The following TRMU variants were observed in gnomAD, a reference collection of about 807,000 sequenced individuals.
TRMU encodes tRNA mitochondrial 2-thiouridylase.
In TRMU, 49 loss-of-function variants were observed where a neutral mutation model predicts 46.9. That is an observed-to-expected ratio of 1.05 (90% CI 0.83 to 1.33). The LOEUF is 1.33. Ranked by LOEUF, TRMU falls within the 40% of genes most tolerant of loss-of-function variation. The pLI, the probability that TRMU is intolerant of heterozygous loss-of-function variation, is 0.00. For missense variants in TRMU, 572 were observed against 532.4 expected (o/e 1.07, Z -0.73); for synonymous variants, 241 against 200.9 (o/e 1.20, Z -1.69).
Position 46,350,477 on chromosome 22 carries a change from GT to G in TRMU, c.651+16del. 3.7e-6 allele frequency: 6 copies of G among 1,613,032 alleles called. No individual in the cohort carries two copies. Among genetic ancestry groups the G allele is most frequent in the Non-Finnish European group, 5.1e-6 (6 of 1,179,944 alleles). On this transcript the variant is annotated intron_variant, in intron 5 of 10. Coordinates refer to ENST00000645190, the MANE Select transcript of TRMU (RefSeq NM_018006.5). The surrounding 1 kb of genome is among the most constrained non-coding windows in gnomAD (Gnocchi z 4.6). ...CAGAAGAAAGAGGTACGAGTGAGCA[GT>G]TGCCTTTGATTAGTGCCTGTTTCCC...
Position 46,336,219 on chromosome 22 carries a change from CGGGCCGG to C in TRMU, c.82+379_82+385del. On this transcript the variant is annotated intron_variant, in intron 1 of 10. Transcript: ENST00000645190. The surrounding 1 kb of genome is among the most constrained non-coding windows in gnomAD (Gnocchi z 4.1). ...CACTGGTGAGGGGAGCTGGGATCGC[CGGGCCGG>C]GGGCCTGACCTCTGCACACGCTGTG... 9.6e-7 allele frequency: 1 copy of C among 1,036,466 alleles called. No individual in the cohort carries two copies. The highest frequency in any genetic ancestry group is 2.4e-5 in the South Asian group (1 of 40,874). The allele number at this position is 1,036,466 out of a possible 1,614,324, so 64.2% of individuals were successfully genotyped here. A position where few individuals can be genotyped will look rare whatever the true frequency, so the allele number is the denominator to read the frequency against.
chr22:46,355,676 G>T (rs1286342286), intron 9 of TRMU, 88 bp downstream of exon 9: 3 of 1,595,924 alleles, frequency 1.9e-6, no homozygotes, highest in African/African-American at 1.3e-5. Context: ...AGACCCTGGG[G>T]TAGGAAAGTC....
rs560816439 is a variant in TRMU, at chr22:46,350,911, C to T, written c.651+448C>T. Among the ~76,000 whole-genome samples the T allele has an allele frequency of 2.6e-5, 4 of 152,322 alleles. No homozygotes were observed. Among genetic ancestry groups the T allele is most frequent in the East Asian group, 1.9e-4 (1 of 5,174 alleles). On this transcript the variant is annotated intron_variant, in intron 5 of 10. Transcript: ENST00000645190. This position sits in a 1 kb window ranked among gnomAD's most constrained non-coding sequence, Gnocchi z 4.6. ...CTGTTCGGGCGCTGTGCTGCTGGGC[C>T]GCGAGGAATTGGTGACGCGCACACA...
rs927086608 is a variant in TRMU, at chr22:46,351,520, C to T, written c.652-601C>T. ...TCAGAGCCATCTTCCCTGAAGAGCA[C>T]GCCCACCGCCCGTCCTCCTCTCCTC... On this transcript the variant is annotated intron_variant, in intron 5 of 10. Coordinates refer to ENST00000645190, the MANE Select transcript of TRMU (RefSeq NM_018006.5). The surrounding 1 kb of genome is among the most constrained non-coding windows in gnomAD (Gnocchi z 6.4). 3.2e-5 allele frequency: 6 copies of T among 187,326 alleles called. No individual in the cohort carries two copies. The highest frequency in any genetic ancestry group is 1.1e-4 in the South Asian group (1 of 8,886). The allele number at this position is 187,326 out of a possible 1,614,324, so 11.6% of individuals were successfully genotyped here.
In TRMU at chr22:46,352,176, TGCGTGCTGC is replaced by T; in HGVS notation, c.705+3_705+11del. The T allele has an allele frequency of 6.2e-7, 1 of 1,614,188 alleles. No individual in the cohort carries two copies. Among genetic ancestry groups the T allele is most frequent in the Non-Finnish European group, 8.5e-7 (1 of 1,180,038 alleles). The stretch of plus-strand genomic sequence containing the variant: ...AATTTTGAACATTTCCTTCTTCAGG[TGCGTGCTGC>T]TCTTTGACACAAAGAGATGGGGCTG... On this transcript the variant is annotated splice_donor_5th_base_variant and intron_variant, in intron 6 of 10. Transcript: ENST00000645190.
chr22:46,343,428 C>T, intron 3 of TRMU, 60 bp downstream of exon 3: 3 of 1,288,348 alleles, frequency 2.3e-6, no homozygotes, highest in Non-Finnish European at 3.3e-6. Flanking sequence ...CTCTGTCACC[C>T]AGGCTGGATT....
At chr22:46,343,782 C>T (rs948271591) in intron 3 of TRMU, among the ~76,000 whole-genome samples, 2 of 152,102 alleles carry the variant, frequency 1.3e-5, no homozygotes, top group Non-Finnish European at 2.9e-5. Context: ...TGTCCCCTGC[C>T]ATTGGGGTCA....
intron 7 of TRMU, 65 bp from the exon 8 acceptor site, chr22:46,353,702 G>T: frequency 6.8e-7 from 1 of 1,481,358 alleles, no homozygotes; most frequent in Non-Finnish European, 9.4e-7. Context: ...CTGCCTTCAT[G>T]ATGAGGCGTG....
Position 46,350,172 on chromosome 22 carries a change from T to A in TRMU, c.479-119T>A. On this transcript the variant is annotated intron_variant, in intron 4 of 10. Transcript: ENST00000645190. This position sits in a 1 kb window ranked among gnomAD's most constrained non-coding sequence, Gnocchi z 4.6. Reference sequence around the variant, plus strand: ...TTTCCCTAGTAGTTGCTATTGAGTGTTGATGTCTGCCTCTGACAGGCTAGG... The same window carrying A: ...TTTCCCTAGTAGTTGCTATTGAGTGATGATGTCTGCCTCTGACAGGCTAGG... 5 of 1,238,372 alleles carry A rather than the reference T, an allele frequency of 4.0e-6. No homozygotes were observed. The highest frequency in any genetic ancestry group is 5.8e-6 in the Non-Finnish European group (5 of 859,112). 76.7% of individuals were successfully genotyped at this position (1,238,372 alleles called of 1,614,324 possible).
Position 46,350,185 on chromosome 22 carries a change from C to T in TRMU, c.479-106C>T. 2 of 1,391,804 alleles carry T rather than the reference C, an allele frequency of 1.4e-6. No individual in the cohort carries two copies. Among genetic ancestry groups the T allele is most frequent in the Non-Finnish European group, 2.0e-6 (2 of 990,752 alleles). 86.2% of individuals were successfully genotyped at this position (1,391,804 alleles called of 1,614,324 possible). On this transcript the variant is annotated intron_variant, in intron 4 of 10. Coordinates refer to ENST00000645190, the MANE Select transcript of TRMU (RefSeq NM_018006.5). The surrounding 1 kb of genome is among the most constrained non-coding windows in gnomAD (Gnocchi z 4.6). ...TGCTATTGAGTGTTGATGTCTGCCT[C>T]TGACAGGCTAGGGGTAGTCTGTCTA... is the stretch of plus-strand genomic sequence containing the variant.
chr22:46,346,220 A>G (rs962029505), intron 3 of TRMU, among the ~76,000 whole-genome samples: 13 of 152,220 alleles, frequency 8.5e-5, no homozygotes, highest in African/African-American at 3.1e-4. Context: ...TATCAGCTTA[A>G]GAGTTCAAGG....
At chr22:46,352,499 T>A in intron 7 of TRMU, 169 bp downstream of exon 7, 1 of 727,200 alleles carries the variant, frequency 1.4e-6, no homozygotes, top group Non-Finnish European at 2.4e-6. Flanking sequence ...AACAGTTGCC[T>A]TGATGGTGGC....
rs981917982 is a variant in TRMU, at chr22:46,357,293, C to T, written c.*287C>T. 12 of 540,234 alleles carry T rather than the reference C, an allele frequency of 2.2e-5. No individual in the cohort carries two copies. The highest frequency in any genetic ancestry group is 5.1e-4 in the Middle Eastern group (1 of 1,968). 33.5% of individuals were successfully genotyped at this position (540,234 alleles called of 1,614,324 possible). A position where few individuals can be genotyped will look rare whatever the true frequency, so the allele number is the denominator to read the frequency against. ...CCTCAGAGTACACCGAGGGGACCTG[C>T]AGAGGGGGCTGTCGGGACAGCGTGG... On this transcript the variant is annotated 3_prime_UTR_variant, in exon 11 of 11. Transcript: ENST00000645190.
chr22:46,343,382 G>C lies in TRMU; in HGVS notation c.355+14G>C. On this transcript the variant is annotated intron_variant, in intron 3 of 10. Coordinates refer to ENST00000645190, the MANE Select transcript of TRMU (RefSeq NM_018006.5). The stretch of plus-strand genomic sequence containing the variant: ...TGGATAATCTTGGTAAGTAATTTGG[G>C]TTTAAAACATTTTTTTTTTTAAAGA... The C allele has an allele frequency of 6.3e-7, 1 of 1,598,238 alleles. No individual in the cohort carries two copies. Among genetic ancestry groups the C allele is most frequent in the Non-Finnish European group, 8.6e-7 (1 of 1,166,056 alleles).
chr22:46,337,859 G>A lies in TRMU; in HGVS notation c.163G>A (p.Glu55Lys). 2 of 1,614,264 alleles carry A rather than the reference G, an allele frequency of 1.2e-6. No homozygotes were observed. Among genetic ancestry groups the A allele is most frequent in the Non-Finnish European group, 1.7e-6 (2 of 1,180,046 alleles). ...GGTCTGTACTGCCGACAAAGACTGT[G>A]AAGATGCTTACAGAGTTTGCCAGAT... is the stretch of plus-strand genomic sequence containing the variant. ...HGVCTADKDC[E>K]DAYRVCQILD... is the part of the protein sequence containing the mutation. Residue 55 changes from glutamate to lysine, a missense_variant, in exon 2 of 11, where the codon GAA becomes AAA. By Grantham distance (56) the Glu-to-Lys change is moderately conservative. Transcript: ENST00000645190.
chr22:46,356,732 GTGCC>G, intron 10 of TRMU, 106 bp from the exon 11 acceptor site: 2 of 1,340,664 alleles, frequency 1.5e-6, no homozygotes, highest in Non-Finnish European at 2.1e-6. Context: ...TGGGAGCTCA[GTGCC>G]TGGTGCTCCG....
chr22:46,341,840 A>G (rs2078130684), intron 2 of TRMU, among the ~76,000 whole-genome samples: 2 of 152,186 alleles, frequency 1.3e-5, no homozygotes, highest in Admixed American at 6.5e-5. Context: ...AGTTCTCAGA[A>G]GTGTGTGTTT....
At position 46,349,427 on chromosome 22, in the gene TRMU, A is replaced by T. The variant is rs1601965836; in HGVS notation, c.479-864A>T. On this transcript the variant is annotated intron_variant, in intron 4 of 10. Transcript: ENST00000645190. The surrounding 1 kb of genome is among the most constrained non-coding windows in gnomAD (Gnocchi z 4.6). ...CAGATGGAAAACACTAGCTACGCAG[A>T]GTGTGTACTGTACACGTGGCTCTGC... is the stretch of plus-strand genomic sequence containing the variant. Among the ~76,000 whole-genome samples, 1 of 152,298 alleles carries T rather than the reference A, an allele frequency of 6.6e-6. No homozygotes were observed. Among genetic ancestry groups the T allele is most frequent in the African/African-American group, 2.4e-5 (1 of 41,556 alleles).
Position 46,353,782 on chromosome 22 carries a change from C to T in TRMU, c.788C>T (p.Thr263Ile). 1.2e-6 allele frequency: 2 copies of T among 1,613,866 alleles called. No homozygotes were observed. Among genetic ancestry groups the T allele is most frequent in the Non-Finnish European group, 1.7e-6 (2 of 1,179,852 alleles). The change falls in exon 8 of 11, where the codon ACC (threonine) becomes ATC (isoleucine). Residue 263 changes from threonine to isoleucine, a missense_variant. Transcript: ENST00000645190. ...CTTTCTGTAGGTTGGTTCCTGTATA[C>T]CTTGGGCCAGAGAGCAAACATAGGT... Reference protein sequence around the residue: ...LGTHKGWFLYTLGQRANIGGL... With the variant: ...LGTHKGWFLYILGQRANIGGL...
Sources: allele counts gnomAD v4.1 joint callset (sites outside exome capture counted in the v4.1 genomes callset), GRCh38; gene constraint gnomAD v4.1.1; non-coding constraint Gnocchi (gnomAD v3.1); transcripts MANE v1.5; gene names NCBI Gene and HGNC (gene_info 2026-07-23, HGNC 2026-07-21).